TNFRSF1A: variants seen among roughly 807,000 people sequenced by gnomAD.
TNFRSF1A encodes TNF receptor superfamily member 1A, also known as tumor necrosis factor receptor superfamily member 1A.
Under a neutral mutation model 41.6 loss-of-function variants are expected in TNFRSF1A, and 9 were observed. The ratio of observed to expected loss-of-function variants is 0.22; its 90% CI spans 0.13 to 0.38. The LOEUF (loss-of-function observed/expected upper bound fraction) is 0.38, where lower values mean the gene tolerates loss of function less well. Ranked by LOEUF, TNFRSF1A falls within the 10% of genes least tolerant of loss-of-function variation. The pLI, the probability that TNFRSF1A is intolerant of heterozygous loss-of-function variation, is 1.00. For synonymous variants in TNFRSF1A, 254 were observed against 248.6 expected, an observed-to-expected ratio of 1.02 and a Z score of -0.21; for missense variants, 463 against 591.5, an observed-to-expected ratio of 0.78 and a Z score of 2.25.
In TNFRSF1A at chr12:6,330,611, C is replaced by T. The variant is rs373303037; in HGVS notation, c.726G>A (p.Lys242=). ...LMYRYQRWKS[K]LYSIVCGKST... is the part of the protein sequence containing the mutation. ...GCCCCCACTCACCAATGGAGTAGAGCTTGGACTTCCACCGTTGGTAGCGAT... is the reference window on the plus strand; with the variant it reads ...GCCCCCACTCACCAATGGAGTAGAGTTTGGACTTCCACCGTTGGTAGCGAT... Residue 242 remains lysine, a synonymous_variant, in exon 7 of 10, where the codon AAG becomes AAA. Coordinates refer to ENST00000162749, the MANE Select transcript of TNFRSF1A (RefSeq NM_001065.4). The T allele has an allele frequency of 2.5e-6, 4 of 1,612,850 alleles. No homozygotes were observed. The African/African-American group carries it at 5.3e-5, about 22-fold the overall frequency.
Position 6,331,010 on chromosome 12 carries a change from C to T in TNFRSF1A, c.552-84G>A, listed in dbSNP as rs375689183. The T allele has an allele frequency of 4.3e-4, 500 of 1,164,616 alleles. 3 individuals are homozygous for T. In the African/African-American group the frequency reaches 6.8e-3, roughly 16 times the overall value. 72.1% of individuals were successfully genotyped at this position (1,164,616 alleles called of 1,614,324 possible). A position where few individuals can be genotyped will look rare whatever the true frequency, so the allele number is the denominator to read the frequency against. The stretch of plus-strand genomic sequence containing the variant: ...ACAACCACACAGATTGTTGGACATC[C>T]TTTCTTTACAAATATTTTTGCTGTC... On this transcript the variant is annotated intron_variant, in intron 5 of 9. Coordinates refer to ENST00000162749, the MANE Select transcript of TNFRSF1A (RefSeq NM_001065.4).
At position 6,338,822 on chromosome 12, in the gene TNFRSF1A, G is replaced by A. The variant is rs144659539; in HGVS notation, c.39+2954C>T. 9.9e-5 allele frequency among the ~76,000 whole-genome samples: 15 copies of A among 152,206 alleles called. No homozygotes were observed. In the East Asian group the frequency reaches 2.7e-3, roughly 27 times the overall value. The stretch of plus-strand genomic sequence containing the variant: ...TCTTTGTATTTTTTGTAGAGACAGG[G>A]TTTTGCTGTGTTGCCCAGGCTGGTC... On this transcript the variant is annotated intron_variant, in intron 1 of 9. Coordinates refer to ENST00000162749, the MANE Select transcript of TNFRSF1A (RefSeq NM_001065.4).
intron 1 of TNFRSF1A, among the ~76,000 whole-genome samples, chr12:6,336,465 A>T (rs943973922): frequency 6.6e-6 from 1 of 151,438 alleles, no homozygotes; most frequent in Non-Finnish European, 1.5e-5. Flanking sequence ...TGCAAGTGGG[A>T]CTCCATCTAA....
chr12:6,333,695 C>A lies in TNFRSF1A; in HGVS notation c.322+42G>T. On this transcript the variant is annotated intron_variant, in intron 3 of 9. Coordinates refer to ENST00000162749, the MANE Select transcript of TNFRSF1A (RefSeq NM_001065.4). The surrounding 1 kb of genome is among the most constrained non-coding windows in gnomAD (Gnocchi z 6.3). Reference sequence around the variant, plus strand: ...CTGCACATAGACAGGCACCCACACACCACTCAAGACCCGCCTGACTCTCCT... The same window carrying A: ...CTGCACATAGACAGGCACCCACACAACACTCAAGACCCGCCTGACTCTCCT... 1 of 1,560,270 alleles carries A rather than the reference C, an allele frequency of 6.4e-7. No homozygotes were observed. Among genetic ancestry groups the A allele is most frequent in the Non-Finnish European group, 8.7e-7 (1 of 1,151,514 alleles).
chr12:6,330,981 A>G (rs1948043992), intron 5 of TNFRSF1A, 55 bp from the exon 6 acceptor site: 7 of 1,424,888 alleles, frequency 4.9e-6, no homozygotes, highest in African/African-American at 1.4e-5. Flanking sequence ...AGGAACACAG[A>G]AAAACAACCA....
chr12:6,336,531 TC>T (rs1202904141), intron 1 of TNFRSF1A, among the ~76,000 whole-genome samples: 1 of 147,520 alleles, frequency 6.8e-6, no homozygotes, highest in African/African-American at 2.5e-5. Flanking sequence ...CCCCCATCCA[TC>T]CCCTCCCCAT....
intron 1 of TNFRSF1A, among the ~76,000 whole-genome samples, chr12:6,340,860 A>T (rs1249438967): frequency 6.6e-6 from 1 of 152,228 alleles, no homozygotes; most frequent in East Asian, 1.9e-4. Flanking sequence ...GGATACATTG[A>T]AACAAGGCTG....
rs1248349800 is a variant in TNFRSF1A, at chr12:6,333,223, G to A, written c.473-76C>T. 4 of 1,563,550 alleles carry A rather than the reference G, an allele frequency of 2.6e-6. No homozygotes were observed. Among genetic ancestry groups the A allele is most frequent in the Non-Finnish European group, 3.5e-6 (4 of 1,139,628 alleles). ...CCCACAGGACAGAGGAAGTGACGAG[G>A]GACAGGGTGGGGGCGGCCAGAGAGG... On this transcript the variant is annotated intron_variant, in intron 4 of 9. Transcript: ENST00000162749. This position sits in a 1 kb window ranked among gnomAD's most constrained non-coding sequence, Gnocchi z 6.3.
Position 6,330,592 on chromosome 12 carries a change from A to T in TNFRSF1A, c.739+6T>A. 3 of 1,602,338 alleles carry T rather than the reference A, an allele frequency of 1.9e-6. No homozygotes were observed. The highest frequency in any genetic ancestry group is 2.6e-6 in the Non-Finnish European group (3 of 1,169,760). On this transcript the variant is annotated splice_donor_region_variant and intron_variant, in intron 7 of 9. Coordinates refer to ENST00000162749, the MANE Select transcript of TNFRSF1A (RefSeq NM_001065.4). Reference sequence around the variant, plus strand: ...GCTCCCTCTCCCTCCCAAAGCCCCCACTCACCAATGGAGTAGAGCTTGGAC... The same window carrying T: ...GCTCCCTCTCCCTCCCAAAGCCCCCTCTCACCAATGGAGTAGAGCTTGGAC...
At chr12:6,336,150 A>G (rs1948117247) in intron 1 of TNFRSF1A, among the ~76,000 whole-genome samples, 1 of 152,196 alleles carries the variant, frequency 6.6e-6, no homozygotes, top group African/African-American at 2.4e-5. Context: ...GTCATGATGA[A>G]GAACTGGGGG....
rs1420442436 is a variant in TNFRSF1A, at chr12:6,329,143, C to T, written c.*169G>A. The T allele has an allele frequency of 4.9e-6, 3 of 606,834 alleles. No individual in the cohort carries two copies. Among genetic ancestry groups the T allele is most frequent in the Non-Finnish European group, 7.6e-6 (3 of 392,994 alleles). 37.6% of individuals were successfully genotyped at this position (606,834 alleles called of 1,614,324 possible). A position where few individuals can be genotyped will look rare whatever the true frequency, so the allele number is the denominator to read the frequency against. On this transcript the variant is annotated 3_prime_UTR_variant, in exon 10 of 10. Coordinates refer to ENST00000162749, the MANE Select transcript of TNFRSF1A (RefSeq NM_001065.4). ...TCTCCGCGCGCACAGCGCTGACTGT[C>T]GGCGGCGCGCAGGCAGCTGAGAAAA...
chr12:6,329,842 G>C lies in TNFRSF1A; in HGVS notation c.993C>G (p.Ser331=), dbSNP rs1352725854. 1.9e-6 allele frequency: 3 copies of C among 1,603,340 alleles called. No individual in the cohort carries two copies. Among genetic ancestry groups the C allele is most frequent in the Admixed American group, 3.4e-5 (2 of 58,268 alleles). Residue 331 remains serine (S), a synonymous_variant, in exon 9 of 10, where the codon TCC becomes TCG. Transcript: ENST00000162749. The part of the protein sequence containing the change: ...ADPILATALA[S]DPIPNPLQKW... ...TCTGAAGGGGGTTGGGGATGGGGTC[G>C]GAGGCGAGGGCTGTCGCAAGGATGG...
In TNFRSF1A at chr12:6,333,238, G is replaced by A. The variant is rs756987699; in HGVS notation, c.473-91C>T. ...AAGTGACGAGGGACAGGGTGGGGGCGGCCAGAGAGGAGTTGGTTGTCAGAC... is the reference window on the plus strand; with the variant it reads ...AAGTGACGAGGGACAGGGTGGGGGCAGCCAGAGAGGAGTTGGTTGTCAGAC... On this transcript the variant is annotated intron_variant, in intron 4 of 9. Transcript: ENST00000162749. The surrounding 1 kb of genome is among the most constrained non-coding windows in gnomAD (Gnocchi z 6.3). 4.3e-5 allele frequency: 66 copies of A among 1,546,858 alleles called. No individual in the cohort carries two copies. In the Admixed American group the frequency reaches 6.8e-4, roughly 16 times the overall value.
chr12:6,329,182 A>G lies in TNFRSF1A; in HGVS notation c.*130T>C, dbSNP rs200846254. 1 of 866,094 alleles carries G rather than the reference A, an allele frequency of 1.2e-6. No individual in the cohort carries two copies. The highest frequency in any genetic ancestry group is 1.6e-6 in the Non-Finnish European group (1 of 607,430). The allele number at this position is 866,094 out of a possible 1,614,324, so 53.7% of individuals were successfully genotyped here. ...CAGCTGAGAAAAGCTATGTACATCG[A>G]GGGGTTAGCACCAAGTAGGCGGCTG... On this transcript the variant is annotated 3_prime_UTR_variant, in exon 10 of 10. Transcript: ENST00000162749.
rs1454940336 is a variant in TNFRSF1A at position 6,334,230 on chromosome 12, C to G, written c.54G>C (p.Leu18=). The part of the protein sequence containing the change: ...DLLLPLVLLE[L]LVGIYPSGVI... ...CCCCTGAGGGGTATATTCCCACCAA[C>G]AGCTCCAGGAGCACCTGGGGAAGAA... The change falls in exon 2 of 10, where the codon CTG becomes CTC. Residue 18 remains leucine (L), a synonymous_variant. Coordinates refer to ENST00000162749, the MANE Select transcript of TNFRSF1A (RefSeq NM_001065.4). The surrounding 1 kb of genome is among the most constrained non-coding windows in gnomAD (Gnocchi z 5.1). The G allele has an allele frequency of 2.5e-6, 4 of 1,613,568 alleles. No homozygotes were observed. The East Asian group carries it at 6.7e-5, about 27-fold the overall frequency.
At position 6,333,973 on chromosome 12, in the gene TNFRSF1A, G is replaced by A. The variant is rs1346074077; in HGVS notation, c.194-108C>T. The A allele has an allele frequency of 9.3e-6, 15 of 1,610,852 alleles. No individual in the cohort carries two copies. The highest frequency in any genetic ancestry group is 1.3e-5 in the Non-Finnish European group (15 of 1,177,822). On this transcript the variant is annotated intron_variant, in intron 2 of 9. Coordinates refer to ENST00000162749, the MANE Select transcript of TNFRSF1A (RefSeq NM_001065.4). The surrounding 1 kb of genome is among the most constrained non-coding windows in gnomAD (Gnocchi z 6.3). The stretch of plus-strand genomic sequence containing the variant: ...TCCCTGAAGTCTCTAGGAGAGGAGG[G>A]AGGGAGAAAATCCCAGCCCAGGAGA...
rs104895224 is a variant in TNFRSF1A at position 6,333,808 on chromosome 12, C to T, written c.251G>A (p.Cys84Tyr). Residue 84 changes from cysteine (C) to tyrosine (Y), a missense_variant, in exon 3 of 10, where the codon TGT (cysteine) becomes TAT (tyrosine). By Grantham distance (194) the Cys-to-Tyr change is radical (BLOSUM62 -2). Transcript: ENST00000162749. The surrounding 1 kb of genome is among the most constrained non-coding windows in gnomAD (Gnocchi z 6.3). ...TGAAGCGGTGAAGGAGCCGCTCTCA[C>T]ACTCCCTGCAGTCCGTATCCTGCCC... ...GPGQDTDCRECESGSFTASEN... is the reference protein window; with the variant it reads ...GPGQDTDCREYESGSFTASEN... 1 of 1,592,226 alleles carries T rather than the reference C, an allele frequency of 6.3e-7. No individual in the cohort carries two copies. The highest frequency in any genetic ancestry group is 2.3e-5 in the East Asian group (1 of 43,946).
At chr12:6,335,653 G>A (rs956004350) in intron 1 of TNFRSF1A, among the ~76,000 whole-genome samples, 3 of 152,018 alleles carry the variant, frequency 2.0e-5, no homozygotes, top group Non-Finnish European at 2.9e-5. Flanking sequence ...AGATAAGAGG[G>A]TGTCCTCAAT....
chr12:6,333,909 G>T lies in TNFRSF1A; in HGVS notation c.194-44C>A. The T allele has an allele frequency of 6.2e-7, 1 of 1,602,146 alleles. No homozygotes were observed. Among genetic ancestry groups the T allele is most frequent in the Non-Finnish European group, 8.5e-7 (1 of 1,173,822 alleles). On this transcript the variant is annotated intron_variant, in intron 2 of 9. Transcript: ENST00000162749. The surrounding 1 kb of genome is among the most constrained non-coding windows in gnomAD (Gnocchi z 6.3). The stretch of plus-strand genomic sequence containing the variant: ...AGTTAGGCTGCGGGTGAGAACACAA[G>T]GAAGGAGCCCCATGCTAGGGACAAC...
Sources: gnomAD v4.1 joint callset for allele counts (sites outside exome capture counted in the v4.1 genomes callset) on GRCh38, gnomAD v4.1.1 for gene constraint, Gnocchi (gnomAD v3.1) non-coding constraint, MANE v1.5 for transcripts, NCBI Gene and HGNC (gene_info 2026-07-23, HGNC 2026-07-21) for gene names.